The following KCNAB2 variants were observed in gnomAD, a reference collection of about 807,000 sequenced individuals.
KCNAB2 encodes the protein voltage-gated potassium channel subunit beta-2.
A neutral mutation model predicts 63.6 loss-of-function variants in KCNAB2; 29 were observed. The observed-to-expected ratio is 0.46, with a 90% confidence interval of 0.34 to 0.62. KCNAB2 has a LOEUF of 0.62. KCNAB2 is among the 20% of genes least tolerant of loss of function. The pLI, the probability that KCNAB2 is intolerant of heterozygous loss-of-function variation, is 0.01. For synonymous variants in KCNAB2, 222 were observed against 224.2 expected (o/e 0.99, Z 0.09); for missense variants, 359 against 563.9 (o/e 0.64, Z 3.68).
Position 6,090,423 on chromosome 1 carries a change from G to A in KCNAB2, c.549G>A (p.Glu183=), listed in dbSNP as rs1399758551. The A allele has an allele frequency of 8.7e-6, 14 of 1,613,876 alleles. No homozygotes were observed. The highest frequency in any genetic ancestry group is 2.2e-5 in the East Asian group (1 of 44,896). ...CTTCCCTGGAGCGACTGCAGCTGGA[G>A]TACGTGGATGTGGTGTTTGCCAACC... is the stretch of plus-strand genomic sequence containing the variant. ...LKASLERLQL[E]YVDVVFANRP... The change falls in exon 9 of 16, where the codon GAG becomes GAA. Residue 183 remains glutamate (E), a synonymous_variant. Transcript: ENST00000378083.
At chr1:6,095,471 C>T in intron 12 of KCNAB2, 28 bp downstream of exon 12, 1 of 1,610,282 alleles carries the variant, frequency 6.2e-7, no homozygotes, top group Non-Finnish European at 8.5e-7. Flanking sequence ...CCTCGCCCCG[C>T]CCCACCCCAC....
At chr1:6,000,673 A>G (rs992225687) in intron 1 of KCNAB2, among the ~76,000 whole-genome samples, 4 of 151,798 alleles carry the variant, frequency 2.6e-5, no homozygotes, top group Non-Finnish European at 5.9e-5. Context: ...AAAAAAAAGA[A>G]AACAGTGATA....
chr1:6,015,600 G>A (rs894402531), intron 1 of KCNAB2, among the ~76,000 whole-genome samples: 2 of 152,242 alleles, frequency 1.3e-5, no homozygotes, highest in African/African-American at 2.4e-5. Context: ...CGTCCTGTCC[G>A]CTGAAGACAG....
chr1:6,060,241 C>A (rs1662197622), intron 2 of KCNAB2, among the ~76,000 whole-genome samples: 1 of 152,232 alleles, frequency 6.6e-6, no homozygotes, highest in Non-Finnish European at 1.5e-5. Flanking sequence ...CTGGGCACCG[C>A]TGATGCGCTC....
chr1:6,082,455 C>T (rs1664290214), intron 5 of KCNAB2, among the ~76,000 whole-genome samples, 181 bp downstream of exon 5: 1 of 152,150 alleles, frequency 6.6e-6, no homozygotes, highest in South Asian at 2.1e-4. Flanking sequence ...AATTGCAGAA[C>T]ACTTGGACAC....
intron 1 of KCNAB2, among the ~76,000 whole-genome samples, chr1:6,012,806 G>A (rs1013391246): frequency 1.4e-4 from 21 of 151,962 alleles, no homozygotes; most frequent in African/African-American, 4.8e-4. Flanking sequence ...CATGGTAGAG[G>A]TGGAGGTGAC....
chr1:6,011,078 C>T (rs1163056192), intron 1 of KCNAB2, among the ~76,000 whole-genome samples: 1 of 152,194 alleles, frequency 6.6e-6, no homozygotes, highest in Non-Finnish European at 1.5e-5. Flanking sequence ...GTGGGTGACC[C>T]GTTCAGACCT....
chr1:6,016,899 A>G (rs543014377), intron 1 of KCNAB2, among the ~76,000 whole-genome samples: 23 of 152,314 alleles, frequency 1.5e-4, no homozygotes, highest in African/African-American at 5.1e-4. Flanking sequence ...GGTACCGGTT[A>G]TGAAAGCGGA....
chr1:6,087,051 G>A lies in KCNAB2; in HGVS notation c.426-416G>A, dbSNP rs1027220682. On this transcript the variant is annotated intron_variant, in intron 6 of 15. Coordinates refer to ENST00000378083, the MANE Select transcript of KCNAB2 (RefSeq NM_001199862.2). The surrounding 1 kb of genome is among the most constrained non-coding windows in gnomAD (Gnocchi z 6.4). ...CTCCTGCCAGATCCCCCCAGAGCCC[G>A]CCCCTGCCCCCTGGCCCACACCCGG... Among the ~76,000 whole-genome samples, 4 of 149,958 alleles carry A rather than the reference G, an allele frequency of 2.7e-5. No homozygotes were observed. Among genetic ancestry groups the A allele is most frequent in the East Asian group, 2.0e-4 (1 of 5,118 alleles).
At chr1:6,054,738 T>G (rs1468963656) in intron 2 of KCNAB2, among the ~76,000 whole-genome samples, 1 of 152,200 alleles carries the variant, frequency 6.6e-6, no homozygotes, top group Non-Finnish European at 1.5e-5. Flanking sequence ...ATCATTCTGA[T>G]TGGTTGCAGA....
At chr1:6,081,534 A>G (rs1487940501) in intron 4 of KCNAB2, among the ~76,000 whole-genome samples, 1 of 152,122 alleles carries the variant, frequency 6.6e-6, no homozygotes, top group Non-Finnish European at 1.5e-5. Context: ...AACAACAGAC[A>G]CCGTTCTGTC....
At position 6,100,199 on chromosome 1, in the gene KCNAB2, C is replaced by A; in HGVS notation, c.*1625C>A. 9.2e-7 allele frequency: 1 copy of A among 1,087,974 alleles called. No individual in the cohort carries two copies. The highest frequency in any genetic ancestry group is 1.2e-6 in the Non-Finnish European group (1 of 808,940). 67.4% of individuals were successfully genotyped at this position (1,087,974 alleles called of 1,614,324 possible). On this transcript the variant is annotated 3_prime_UTR_variant, in exon 16 of 16. Coordinates refer to ENST00000378083, the MANE Select transcript of KCNAB2 (RefSeq NM_001199862.2). ...GGGAAACTGTGAAAGTCAGAAAGGC[C>A]AGCGGGGAGAGGCTGGGGCGAGGGG...
chr1:6,053,985 G>A (rs1437244335), intron 2 of KCNAB2, among the ~76,000 whole-genome samples: 1 of 151,438 alleles, frequency 6.6e-6, no homozygotes, highest in South Asian at 2.1e-4. Context: ...CAACGCTGCA[G>A]TGAGCCCTAT....
chr1:6,025,339 A>G (rs987146382), intron 1 of KCNAB2, among the ~76,000 whole-genome samples: 2 of 152,094 alleles, frequency 1.3e-5, no homozygotes, highest in African/African-American at 2.4e-5. Context: ...GGCTGGCACC[A>G]TGGGAGATGG....
chr1:6,082,106 G>A, intron 4 of KCNAB2, 89 bp from the exon 5 acceptor site: 1 of 1,125,746 alleles, frequency 8.9e-7, no homozygotes, highest in Non-Finnish European at 1.3e-6. Context: ...CCTGGACACG[G>A]GGAGGCCTCC....
At chr1:6,058,096 C>T (rs139574950) in intron 2 of KCNAB2, among the ~76,000 whole-genome samples, 43 of 152,244 alleles carry the variant, frequency 2.8e-4, no homozygotes, top group African/African-American at 8.9e-4. Context: ...TGCAGTGAGC[C>T]GAGATCGAAC....
At chr1:5,995,885 C>T (rs1204887927) in intron 1 of KCNAB2, 1 of 152,302 alleles carries the variant, frequency 6.6e-6, no homozygotes, top group Non-Finnish European at 1.5e-5. Flanking sequence ...GGTGCCCCCT[C>T]CGCCATCACC....
intron 1 of KCNAB2, among the ~76,000 whole-genome samples, chr1:6,004,875 C>T (rs566301775): frequency 6.7e-6 from 1 of 149,860 alleles, no homozygotes; most frequent in African/African-American, 2.4e-5. Context: ...GCTGCTTCTT[C>T]CTCATCAGAC....
At chr1:6,079,567 C>A (rs1403174801) in intron 4 of KCNAB2, among the ~76,000 whole-genome samples, 2 of 152,018 alleles carry the variant, frequency 1.3e-5, no homozygotes, top group Non-Finnish European at 2.9e-5. Flanking sequence ...ACATGTGATA[C>A]CCCTTGGATG....
Sources: gnomAD v4.1 joint callset for allele counts (sites outside exome capture counted in the v4.1 genomes callset) on GRCh38, gnomAD v4.1.1 for gene constraint, Gnocchi (gnomAD v3.1) non-coding constraint, MANE v1.5 for transcripts, NCBI Gene and HGNC (gene_info 2026-07-23, HGNC 2026-07-21) for gene names.